DCC: variants seen among roughly 807,000 people sequenced by gnomAD.
DCC encodes the protein netrin receptor DCC.
DCC carries 58 observed loss-of-function variants against 172.5 expected under a neutral mutation model. The observed-to-expected ratio is 0.34, with a 90% CI of 0.27 to 0.42. The LOEUF is 0.42. Ranked by LOEUF, DCC falls within the 10% of genes least tolerant of loss-of-function variation. The pLI, the probability that DCC is intolerant of heterozygous loss-of-function variation, is 1.00. For missense variants in DCC, 1,740 were observed against 1,791.0 expected, an observed-to-expected ratio of 0.97 and a Z score of 0.51; for synonymous variants, 709 against 644.5, an observed-to-expected ratio of 1.10 and a Z score of -1.52.
chr18:53,340,717 G>C (rs576615189), intron 15 of DCC, among the ~76,000 whole-genome samples: 42 of 152,188 alleles, frequency 2.8e-4, no homozygotes, highest in African/African-American at 1.0e-3. Context: ...AATATATCAG[G>C]ATGCCAGTAA....
chr18:52,478,121 T>G (rs1989147027), intron 1 of DCC, among the ~76,000 whole-genome samples: 1 of 152,170 alleles, frequency 6.6e-6, no homozygotes, highest in South Asian at 2.1e-4. Flanking sequence ...CTGGTCTATA[T>G]GTATATCCTG....
chr18:52,461,482 C>T (rs559643082), intron 1 of DCC, among the ~76,000 whole-genome samples: 4 of 151,744 alleles, frequency 2.6e-5, no homozygotes, highest in South Asian at 2.1e-4. Context: ...ATCATTATCA[C>T]GTATTATATA....
intron 2 of DCC, among the ~76,000 whole-genome samples, chr18:52,767,467 A>G (rs1235046424): frequency 6.6e-6 from 1 of 152,208 alleles, no homozygotes; most frequent in Non-Finnish European, 1.5e-5. Context: ...TACAGACATA[A>G]AAATAATGGG....
At chr18:52,645,143 G>A (rs1196861321) in intron 1 of DCC, among the ~76,000 whole-genome samples, 1 of 152,042 alleles carries the variant, frequency 6.6e-6, no homozygotes, top group Non-Finnish European at 1.5e-5. Flanking sequence ...ATTGTATGTA[G>A]ATGAGATCTG....
intron 1 of DCC, among the ~76,000 whole-genome samples, chr18:52,476,925 T>A (rs1395308615): frequency 1.3e-5 from 2 of 152,162 alleles, no homozygotes; most frequent in Non-Finnish European, 2.9e-5. Context: ...CTGTCCTAGT[T>A]GTATGCAAGT....
intron 1 of DCC, among the ~76,000 whole-genome samples, chr18:52,533,743 A>G (rs940190355): frequency 5.9e-5 from 9 of 152,100 alleles, no homozygotes; most frequent in Admixed American, 4.6e-4. Flanking sequence ...GTTTTTATTT[A>G]TCTGGGATAA....
intron 1 of DCC, among the ~76,000 whole-genome samples, chr18:52,366,894 C>T (rs1258157035): frequency 1.3e-5 from 2 of 152,250 alleles, no homozygotes; most frequent in African/African-American, 2.4e-5. Context: ...AGTCCCGTGC[C>T]GTGCGCTCGC....
intron 11 of DCC, among the ~76,000 whole-genome samples, chr18:53,209,865 A>G (rs893841345): frequency 2.6e-5 from 4 of 152,224 alleles, no homozygotes; most frequent in African/African-American, 7.2e-5. Flanking sequence ...TTGGTTTTAA[A>G]TGTCATAAGT....
intron 5 of DCC, among the ~76,000 whole-genome samples, chr18:53,043,411 A>G (rs534098741): frequency 3.0e-4 from 45 of 152,088 alleles, no homozygotes; most frequent in African/African-American, 1.1e-3. Flanking sequence ...ATGTATACCT[A>G]TGTAACAAAC....
chr18:52,947,706 T>G (rs150792816), intron 5 of DCC, among the ~76,000 whole-genome samples: 2 of 152,208 alleles, frequency 1.3e-5, no homozygotes, highest in East Asian at 1.9e-4. Context: ...CTACCTCTTA[T>G]GGAAGGGGCC....
chr18:52,413,324 C>A (rs1986905170), intron 1 of DCC, among the ~76,000 whole-genome samples: 1 of 151,010 alleles, frequency 6.6e-6, no homozygotes, highest in Admixed American at 6.6e-5. Context: ...ACAATTATTT[C>A]AGTGCAAACT....
At chr18:53,175,514 G>A (rs1286472314) in intron 8 of DCC, among the ~76,000 whole-genome samples, 1 of 149,752 alleles carries the variant, frequency 6.7e-6, no homozygotes, top group African/African-American at 2.4e-5. Context: ...AAAATCACAA[G>A]CATTCTTATA....
intron 1 of DCC, among the ~76,000 whole-genome samples, chr18:52,476,112 C>T (rs1354345749): frequency 1.3e-5 from 2 of 152,200 alleles, no homozygotes; most frequent in East Asian, 3.8e-4. Context: ...TCTTTACCTA[C>T]AGCACAGGCT....
At chr18:53,002,489 C>A (rs896329751) in intron 5 of DCC, among the ~76,000 whole-genome samples, 5 of 152,068 alleles carry the variant, frequency 3.3e-5, no homozygotes, top group African/African-American at 9.6e-5. Flanking sequence ...GGGAAAGTGA[C>A]CCAGAATATC....
chr18:53,304,765 T>G (rs1459383756), intron 12 of DCC, among the ~76,000 whole-genome samples: 1 of 152,206 alleles, frequency 6.6e-6, no homozygotes, highest in Non-Finnish European at 1.5e-5. Flanking sequence ...TGACTTTTGA[T>G]GTGCTTTTCA....
At position 52,874,277 on chromosome 18, in the gene DCC, G is replaced by T. The variant is rs901622601; in HGVS notation, c.413-31767G>T. ...ATTACTTTTAATGACAGACAAAGAA[G>T]AACTGTCTTTATGGCTTAAAAACAT... On this transcript the variant is annotated intron_variant, in intron 2 of 28. Transcript: ENST00000442544. Among the ~76,000 whole-genome samples the T allele has an allele frequency of 7.9e-5, 12 of 152,158 alleles. No individual in the cohort carries two copies. In the South Asian group the frequency reaches 2.5e-3, roughly 32 times the overall value.
In DCC at chr18:52,826,742, G is replaced by C. The variant is rs573623913; in HGVS notation, c.412+74368G>C. Among the ~76,000 whole-genome samples, 19 of 152,110 alleles carry C rather than the reference G, an allele frequency of 1.2e-4. No individual in the cohort carries two copies. The East Asian group carries it at 2.3e-3, about 19-fold the overall frequency. On this transcript the variant is annotated intron_variant, in intron 2 of 28. Transcript: ENST00000442544. ...TATCTGCCCGCCTAAGCCTCCCAAA[G>C]TGCTGGGATTACAGGTGTGAGCCAC...
In DCC at chr18:52,863,002, A is replaced by G. The variant is rs2039167923; in HGVS notation, c.413-43042A>G. The stretch of plus-strand genomic sequence containing the variant: ...GCTAAGGCTAATTTTAATAAAATTT[A>G]TTTCAATTAGCTTTGACCAGAGAAG... On this transcript the variant is annotated intron_variant, in intron 2 of 28. Coordinates refer to ENST00000442544, the MANE Select transcript of DCC (RefSeq NM_005215.4). Among the ~76,000 whole-genome samples, 5 of 152,124 alleles carry G rather than the reference A, an allele frequency of 3.3e-5. No individual in the cohort carries two copies. The South Asian group carries it at 1.0e-3, about 31-fold the overall frequency.
intron 1 of DCC, among the ~76,000 whole-genome samples, chr18:52,608,221 C>G (rs150405072): frequency 1.5e-3 from 234 of 152,228 alleles, no homozygotes; most frequent in African/African-American, 5.5e-3. Context: ...AGTAGGAGTT[C>G]CGTCCCACAA....
Sources: allele counts gnomAD v4.1 joint callset (sites outside exome capture counted in the v4.1 genomes callset), GRCh38; gene constraint gnomAD v4.1.1; transcripts MANE v1.5; gene names NCBI Gene and HGNC (gene_info 2026-07-23, HGNC 2026-07-21).